STXBP4: variants seen among roughly 807,000 people sequenced by gnomAD.
STXBP4 encodes the protein syntaxin-binding protein 4.
A neutral mutation model predicts 76.1 loss-of-function variants in STXBP4; 55 were observed. The ratio of observed to expected loss-of-function variants is 0.72; its 90% CI spans 0.58 to 0.91. STXBP4 has a LOEUF of 0.91. Ranked by LOEUF, STXBP4 falls within the 40% of genes least tolerant of loss-of-function variation. STXBP4 has a pLI of 0.00. For synonymous variants in STXBP4, 201 were observed against 220.2 expected, an observed-to-expected ratio of 0.91 and a Z score of 0.77; for missense variants, 618 against 636.9, an observed-to-expected ratio of 0.97 and a Z score of 0.32.
chr17:55,047,181 T>C (rs1479608056), intron 12 of STXBP4, 27 bp downstream of exon 12: 1 of 1,306,472 alleles, frequency 7.7e-7, no homozygotes, highest in Admixed American at 1.8e-5. Flanking sequence ...TGTATATATG[T>C]GCTCGTGTGT....
At chr17:55,177,497 T>C (rs1189303434), downstream of STXBP4, among the ~76,000 whole-genome samples, 4 of 152,192 alleles carry the variant, frequency 2.6e-5, no homozygotes, top group Non-Finnish European at 4.4e-5. Context: ...GTGGCTGATA[T>C]TGTTAATTTC....
intron 8 of STXBP4, among the ~76,000 whole-genome samples, chr17:55,020,760 T>C (rs1258529954): frequency 6.6e-6 from 1 of 152,162 alleles, no homozygotes; most frequent in African/African-American, 2.4e-5. Context: ...AGAGTTGCAG[T>C]GAGCTGAGAT....
At chr17:55,144,056 A>G (rs1165326410) in intron 17 of STXBP4, among the ~76,000 whole-genome samples, 1 of 148,408 alleles carries the variant, frequency 6.7e-6, no homozygotes, top group Non-Finnish European at 1.5e-5. Context: ...CACACGCCTC[A>G]CCACCTCTGT....
At chr17:55,122,107 C>G (rs911892731) in intron 16 of STXBP4, among the ~76,000 whole-genome samples, 11 of 152,096 alleles carry the variant, frequency 7.2e-5, no homozygotes, top group Non-Finnish European at 1.2e-4. Flanking sequence ...TTCTAAATCC[C>G]TCCAGACAAT....
intron 4 of STXBP4, chr17:54,991,803 TA>T (rs1204127067): frequency 6.6e-6 from 1 of 150,790 alleles, no homozygotes; most frequent in Non-Finnish European, 1.5e-5. Context: ...AATAATTTAA[TA>T]AAATTATATT....
At chr17:55,094,254 C>T (rs1334236558) in intron 16 of STXBP4, among the ~76,000 whole-genome samples, 1 of 150,994 alleles carries the variant, frequency 6.6e-6, no homozygotes, top group African/African-American at 2.4e-5. Flanking sequence ...TAGCAAGAAG[C>T]CAGATAATAC....
Position 55,159,863 on chromosome 17 carries a change from G to A in STXBP4, c.1614G>A (p.Glu538=). The part of the protein sequence containing the change: ...VMSVLNLSRS[E]ENEEDCSREL... ...GTGTCCTGAATCTATCTCGCTCAGA[G>A]GAGAATGAAGAGGATTGCTCTAGAG... The change falls in exon 18 of 18, where the codon GAG becomes GAA. Residue 538 remains glutamate, a synonymous_variant. Transcript: ENST00000376352. The A allele has an allele frequency of 6.2e-7, 1 of 1,614,002 alleles. No individual in the cohort carries two copies. The highest frequency in any genetic ancestry group is 8.5e-7 in the Non-Finnish European group (1 of 1,179,922).
intron 16 of STXBP4, among the ~76,000 whole-genome samples, chr17:55,103,539 A>G (rs937490771): frequency 6.7e-6 from 1 of 149,530 alleles, no homozygotes; most frequent in African/African-American, 2.4e-5. Flanking sequence ...GTGGCCTTGT[A>G]GTATAGTTTG....
At chr17:55,030,704 T>C (rs2078492286) in intron 8 of STXBP4, 1 of 152,570 alleles carries the variant, frequency 6.6e-6, no homozygotes, top group African/African-American at 2.4e-5. Context: ...TTTAGTTTAC[T>C]ATTTGTGTAA....
intron 8 of STXBP4, among the ~76,000 whole-genome samples, chr17:55,016,348 C>T (rs139189068): frequency 1.2e-3 from 186 of 152,248 alleles, no homozygotes; most frequent in African/African-American, 3.8e-3. Context: ...CCTTTGTGCT[C>T]AGGGGTGAGT....
chr17:54,982,907 T>A lies in STXBP4; in HGVS notation c.-156-2707T>A, dbSNP rs990477120. 5.3e-5 allele frequency among the ~76,000 whole-genome samples: 8 copies of A among 152,324 alleles called. No individual in the cohort carries two copies. In the South Asian group the frequency reaches 1.5e-3, roughly 28 times the overall value. ...GGTGAATCAAACTTTTTACCTGAAT[T>A]AATTTTCCAGCATACTGTAGTAGAA... On this transcript the variant is annotated intron_variant, in intron 1 of 17. Coordinates refer to ENST00000376352, the MANE Select transcript of STXBP4 (RefSeq NM_178509.6).
chr17:55,045,355 C>A (rs1007701393), intron 11 of STXBP4, among the ~76,000 whole-genome samples: 1 of 152,006 alleles, frequency 6.6e-6, no homozygotes, highest in Non-Finnish European at 1.5e-5. Flanking sequence ...TCTTAGAAAA[C>A]TTCCCCAGTG....
At chr17:55,185,201 C>G in the STXBP4 span, among the ~76,000 whole-genome samples, 1 of 48,482 alleles carries the variant, frequency 2.1e-5, no homozygotes, top group African/African-American at 1.1e-4. Flanking sequence ...TCTTCTTCTT[C>G]TTCTTCTTCT....
chr17:55,211,145 G>C, the STXBP4 span, among the ~76,000 whole-genome samples: 544 of 152,224 alleles, frequency 3.6e-3, 5 homozygotes, highest in African/African-American at 0.013. Context: ...GGGGAGGTAG[G>C]CTGAGATCTC....
intron 16 of STXBP4, among the ~76,000 whole-genome samples, chr17:55,103,345 A>G (rs1001775344): frequency 1.3e-5 from 2 of 152,194 alleles, no homozygotes; most frequent in African/African-American, 4.8e-5. Flanking sequence ...AGTTTTCTAC[A>G]TATGGCTAGC....
At chr17:55,195,298 G>A in the STXBP4 span, among the ~76,000 whole-genome samples, 1 of 152,120 alleles carries the variant, frequency 6.6e-6, no homozygotes, top group Non-Finnish European at 1.5e-5. Flanking sequence ...CTACTTTAAA[G>A]CACAGTTCAA....
chr17:55,132,635 T>A (rs1419941286), intron 16 of STXBP4, among the ~76,000 whole-genome samples: 1 of 152,230 alleles, frequency 6.6e-6, no homozygotes, highest in African/African-American at 2.4e-5. Context: ...GAACCTATCA[T>A]GTGCCACAAG....
chr17:55,116,138 T>C (rs780665050), intron 16 of STXBP4, among the ~76,000 whole-genome samples: 2 of 151,862 alleles, frequency 1.3e-5, no homozygotes, highest in Non-Finnish European at 3.0e-5. Context: ...TACACATTTA[T>C]AAACATATAT....
At chr17:55,201,068 A>G in the STXBP4 span, among the ~76,000 whole-genome samples, 1 of 152,132 alleles carries the variant, frequency 6.6e-6, no homozygotes, top group Non-Finnish European at 1.5e-5. Context: ...GGTCAAAATT[A>G]TGTTCCATTC....
Sources: gnomAD v4.1 joint callset for allele counts (sites outside exome capture counted in the v4.1 genomes callset) on GRCh38, gnomAD v4.1.1 for gene constraint, MANE v1.5 for transcripts, NCBI Gene and HGNC (gene_info 2026-07-23, HGNC 2026-07-21) for gene names.